Variants in KIF21B observed in about 807,000 individuals in gnomAD.
KIF21B encodes kinesin family member 21B, also known as kinesin-like protein KIF21B.
Under a neutral mutation model 192.9 loss-of-function variants are expected in KIF21B, and 85 were observed. That is an observed-to-expected ratio of 0.44 (90% CI 0.37 to 0.53). The LOEUF (loss-of-function observed/expected upper bound fraction) is 0.53. Among genes scored for constraint, KIF21B ranks in the 20% least tolerant of loss-of-function variants. The pLI is 0.00. For missense variants in KIF21B, 1,716 were observed against 2,194.8 expected (o/e 0.78, Z 4.36); for synonymous variants, 832 against 884.6 (o/e 0.94, Z 1.05).
chr1:200,973,679 C>T, intron 34 of KIF21B, 101 bp from the exon 35 acceptor site: 2 of 1,506,470 alleles, frequency 1.3e-6, no homozygotes, highest in Admixed American at 4.8e-5. Context: ...CCCAAACTCC[C>T]CAAATGTGGT....
At chr1:201,006,127 C>G (rs1657806197) in intron 3 of KIF21B, among the ~76,000 whole-genome samples, 1 of 152,254 alleles carries the variant, frequency 6.6e-6, no homozygotes, top group Non-Finnish European at 1.5e-5. Flanking sequence ...GAGCTGTGCC[C>G]TAGCCCTGAC....
Position 200,988,698 on chromosome 1 carries a change from TG to T in KIF21B, c.3298+67del, listed in dbSNP as rs1249274337. ...TGGTTCTGGGGAAGTGAGGGCCTTG[TG>T]GGGGTCTGAGCCCAAGAGCACTGGA... On this transcript the variant is annotated intron_variant, in intron 22 of 34. Coordinates refer to ENST00000461742, the MANE Select transcript of KIF21B (RefSeq NM_001252102.2). 5.2e-6 allele frequency: 8 copies of T among 1,552,408 alleles called. No individual in the cohort carries two copies. In the South Asian group the frequency reaches 7.3e-5, roughly 14 times the overall value.
rs529586892 is a variant in KIF21B at position 200,992,476 on chromosome 1, T to G, written c.2278-87A>C. On this transcript the variant is annotated intron_variant, in intron 15 of 34. Transcript: ENST00000461742. ...CAGGGAGGGGCCAGCTCTGAGGGCATGGGGCAGGGATAGTGGCTAGCCAGG... is the reference window on the plus strand; with the variant it reads ...CAGGGAGGGGCCAGCTCTGAGGGCAGGGGGCAGGGATAGTGGCTAGCCAGG... 8.7e-6 allele frequency: 12 copies of G among 1,372,260 alleles called. No individual in the cohort carries two copies. The Admixed American group carries it at 1.0e-4, about 12-fold the overall frequency. The allele number at this position is 1,372,260 out of a possible 1,614,324, so 85.0% of individuals were successfully genotyped here.
chr1:201,001,109 G>GAC (rs1657471019), intron 9 of KIF21B, among the ~76,000 whole-genome samples: 1 of 117,054 alleles, frequency 8.5e-6, no homozygotes, highest in East Asian at 2.6e-4. Context: ...CTCCGTCTCA[G>GAC]AAAAAAAAAA....
intron 14 of KIF21B, among the ~76,000 whole-genome samples, chr1:200,997,454 C>T (rs991436746): frequency 6.6e-6 from 1 of 152,208 alleles, no homozygotes; most frequent in Non-Finnish European, 1.5e-5. Context: ...CTTTAAAAAA[C>T]TCCAATTCGG....
chr1:200,979,680 G>C lies in KIF21B; in HGVS notation c.4015C>G (p.Gln1339Glu). 6.4e-7 allele frequency: 1 copy of C among 1,563,972 alleles called. No individual in the cohort carries two copies. Among genetic ancestry groups the C allele is most frequent in the Non-Finnish European group, 8.7e-7 (1 of 1,154,060 alleles). The change falls in exon 30 of 35, where the codon CAG becomes GAG. Residue 1339 changes from glutamine (Q) to glutamate (E), a missense_variant. Gln to Glu is a conservative substitution (Grantham distance 29). Transcript: ENST00000461742. ...TGGCCCTTTAGAGCTGCGATCTCCT[G>C]TCCCGTAACCAAGTTCCACATCTTG... Reference protein sequence around the residue: ...SCKMWNLVTGQEIAALKGHPN... With the variant: ...SCKMWNLVTGEEIAALKGHPN...
At chr1:200,981,205 C>T in intron 28 of KIF21B, 109 bp from the exon 29 acceptor site, 2 of 1,199,198 alleles carry the variant, frequency 1.7e-6, no homozygotes, top group Non-Finnish European at 2.2e-6. Context: ...GGGATGAGGA[C>T]CAAATAACAG....
chr1:200,990,133 G>C lies in KIF21B; in HGVS notation c.3030+5C>G. 2 of 1,612,318 alleles carry C rather than the reference G, an allele frequency of 1.2e-6. No homozygotes were observed. Among genetic ancestry groups the C allele is most frequent in the East Asian group, 4.5e-5 (2 of 44,830 alleles). ...CCGCCCCAGCAGGCCCAGCCCTGCG[G>C]ATACCTTGGTCTCCTCCAGCTGCAC... On this transcript the variant is annotated splice_donor_5th_base_variant and intron_variant, in intron 20 of 34. Coordinates refer to ENST00000461742, the MANE Select transcript of KIF21B (RefSeq NM_001252102.2). The surrounding 1 kb of genome is among the most constrained non-coding windows in gnomAD (Gnocchi z 5.4).
At chr1:200,980,912 G>A (rs765854866) in intron 29 of KIF21B, 48 bp downstream of exon 29, 4 of 1,587,506 alleles carry the variant, frequency 2.5e-6, no homozygotes, top group Non-Finnish European at 2.6e-6. Context: ...GGAAGCAGGG[G>A]TGAGTAGGAG....
chr1:201,019,764 C>G (rs1392883617), intron 1 of KIF21B, among the ~76,000 whole-genome samples: 1 of 152,094 alleles, frequency 6.6e-6, no homozygotes, highest in Non-Finnish European at 1.5e-5. Flanking sequence ...GCCTCAGTTT[C>G]TGAGATCTGT....
intron 26 of KIF21B, among the ~76,000 whole-genome samples, chr1:200,986,363 C>CT (rs60825961): frequency 0.25 from 34,796 of 138,776 alleles, 5,152 homozygotes; most frequent in African/African-American, 0.41. Context: ...TTTTTTTTTT[C>CT]TTTTTTTTTT....
intron 9 of KIF21B, among the ~76,000 whole-genome samples, chr1:201,001,136 G>A (rs1657473839): frequency 1.3e-5 from 2 of 150,240 alleles, no homozygotes; most frequent in Admixed American, 6.6e-5. Context: ...AAGATAAATA[G>A]CAGCAAGGGT....
intron 24 of KIF21B, 130 bp downstream of exon 24, chr1:200,988,166 G>A (rs1656425517): frequency 1.1e-6 from 1 of 925,820 alleles, no homozygotes; most frequent in African/African-American, 1.6e-5. Flanking sequence ...AATTTTCTTG[G>A]CACCTCCCTC....
In KIF21B at chr1:200,987,016, C is replaced by T. The variant is rs1331613854; in HGVS notation, c.3594G>A (p.Leu1198=). ...YRDRVSRTVS[L]PTRGSTFPRQ... ...CTTACAAAGTGCTGCCCCGGGTAGG[C>T]AGACTGACGGTGCGCGAGACCCTGT... Residue 1198 remains leucine, a synonymous_variant, in exon 25 of 35, where the codon CTG becomes CTA. Transcript: ENST00000461742. 1 of 1,614,006 alleles carries T rather than the reference C, an allele frequency of 6.2e-7. No individual in the cohort carries two copies. Among genetic ancestry groups the T allele is most frequent in the East Asian group, 2.2e-5 (1 of 44,890 alleles).
At chr1:200,988,454 G>A in intron 23 of KIF21B, 39 bp downstream of exon 23, 1 of 1,610,936 alleles carries the variant, frequency 6.2e-7, no homozygotes, top group East Asian at 2.2e-5. Flanking sequence ...CCAGGTACAT[G>A]CTGTGAGCCA....
intron 27 of KIF21B, among the ~76,000 whole-genome samples, chr1:200,984,150 G>A (rs1189076804): frequency 6.6e-6 from 1 of 152,188 alleles, no homozygotes; most frequent in African/African-American, 2.4e-5. Flanking sequence ...GGCACAGCAG[G>A]CAGGGGCTGG....
At chr1:201,022,502 T>C (rs780428865) in intron 1 of KIF21B, among the ~76,000 whole-genome samples, 21 of 152,316 alleles carry the variant, frequency 1.4e-4, no homozygotes, top group South Asian at 8.3e-4. Context: ...AGAACACAGA[T>C]GGCTCAATTT....
rs1657209743 is a variant in KIF21B, at chr1:200,998,367, C to A, written c.2077+17G>T. On this transcript the variant is annotated intron_variant, in intron 14 of 34. Coordinates refer to ENST00000461742, the MANE Select transcript of KIF21B (RefSeq NM_001252102.2). This position sits in a 1 kb window ranked among gnomAD's most constrained non-coding sequence, Gnocchi z 4.3. ...GGAGGGTCCGGATGGGGTGGAGGGG[C>A]ATGGCGGTGGCCTCACTGAGGTTCT... The A allele has an allele frequency of 6.2e-7, 1 of 1,602,436 alleles. No homozygotes were observed. Among genetic ancestry groups the A allele is most frequent in the South Asian group, 1.1e-5 (1 of 90,566 alleles).
At chr1:200,979,828 C>T in intron 29 of KIF21B, 113 bp from the exon 30 acceptor site, 1 of 817,042 alleles carries the variant, frequency 1.2e-6, no homozygotes, top group Non-Finnish European at 1.8e-6. Context: ...CACAGGGCTC[C>T]AGAGGACGGA....
Sources: allele counts gnomAD v4.1 joint callset (sites outside exome capture counted in the v4.1 genomes callset), GRCh38; gene constraint gnomAD v4.1.1; non-coding constraint Gnocchi (gnomAD v3.1); transcripts MANE v1.5; gene names NCBI Gene and HGNC (gene_info 2026-07-23, HGNC 2026-07-21).